The following ELF5 variants were observed in gnomAD, a reference collection of about 807,000 sequenced individuals.
The protein encoded by ELF5 is ETS-related transcription factor Elf-5.
In ELF5, 31 loss-of-function variants were observed where a neutral mutation model predicts 38.2. The observed-to-expected ratio is 0.81, with a 90% CI of 0.61 to 1.10. The LOEUF is 1.10. ELF5 is among the 50% of genes least tolerant of loss of function. ELF5 has a pLI of 0.00. For missense variants in ELF5, 300 were observed against 306.6 expected (o/e 0.98, Z 0.16); for synonymous variants, 121 against 112.5 (o/e 1.08, Z -0.48).
chr11:34,501,918 T>C (rs190748768), intron 2 of ELF5, among the ~76,000 whole-genome samples: 96 of 152,292 alleles, frequency 6.3e-4, no homozygotes, highest in Non-Finnish European at 1.0e-3. Context: ...CATTTTTTTT[T>C]CTCCTTTTCC....
intron 3 of ELF5, 144 bp from the exon 4 acceptor site, chr11:34,490,203 C>T: frequency 1.2e-6 from 1 of 868,720 alleles, no homozygotes. Context: ...TGGAGACCAT[C>T]TGGTCTTAGA....
rs1856892291 is a variant in ELF5, at chr11:34,479,925, C to T, written c.*293G>A. ...GTTTTTCTCTGATCAGCATCAATGGCATGGGCTGTTGTCATTCCACAACTC... is the reference window on the plus strand; with the variant it reads ...GTTTTTCTCTGATCAGCATCAATGGTATGGGCTGTTGTCATTCCACAACTC... On this transcript the variant is annotated 3_prime_UTR_variant, in exon 7 of 7. Transcript: ENST00000257832. 3.0e-6 allele frequency: 1 copy of T among 331,710 alleles called. No individual in the cohort carries two copies. The highest frequency in any genetic ancestry group is 5.5e-6 in the Non-Finnish European group (1 of 181,028). The allele number at this position is 331,710 out of a possible 1,614,324, so 20.5% of individuals were successfully genotyped here.
At position 34,482,516 on chromosome 11, in the gene ELF5, T is replaced by C. The variant is rs2231826; in HGVS notation, c.407-17A>G. The stretch of plus-strand genomic sequence containing the variant: ...AATCAGCATCTGAAATAGAATAATT[T>C]ATAGCAGTGGAAAGGGATATAGAGG... On this transcript the variant is annotated splice_polypyrimidine_tract_variant and intron_variant, in intron 4 of 6. Transcript: ENST00000257832. 3.1e-6 allele frequency: 5 copies of C among 1,606,946 alleles called. No individual in the cohort carries two copies. The African/African-American group carries it at 5.4e-5, about 17-fold the overall frequency.
intron 2 of ELF5, among the ~76,000 whole-genome samples, chr11:34,503,339 T>C (rs1053680503): frequency 1.3e-5 from 2 of 151,856 alleles, no homozygotes; most frequent in Non-Finnish European, 2.9e-5. Context: ...TTGTATTTTT[T>C]CGTAGAGACG....
intron 1 of ELF5, among the ~76,000 whole-genome samples, chr11:34,509,621 G>A (rs1459934096): frequency 2.6e-5 from 4 of 151,624 alleles, no homozygotes; most frequent in African/African-American, 9.7e-5. Context: ...AGTGAGGGGG[G>A]CAGGGAGGGG....
chr11:34,511,934 G>T (rs1850770835), intron 1 of ELF5: 1 of 270,216 alleles, frequency 3.7e-6, no homozygotes, highest in South Asian at 5.9e-5. Context: ...AATCATCACT[G>T]GGCAGAACTA....
chr11:34,512,281 C>T (rs904490129), intron 1 of ELF5, among the ~76,000 whole-genome samples: 3 of 152,062 alleles, frequency 2.0e-5, no homozygotes, highest in African/African-American at 4.8e-5. Context: ...TCAAGTGATT[C>T]CTCATTTTTC....
intron 1 of ELF5, among the ~76,000 whole-genome samples, chr11:34,510,873 C>T (rs771899423): frequency 2.6e-5 from 4 of 152,124 alleles, no homozygotes; most frequent in African/African-American, 2.4e-5. Flanking sequence ...CTAGTGTCAG[C>T]GCCAGTACAG....
At chr11:34,513,571 C>A (rs1239152933) in intron 1 of ELF5, 106 bp downstream of exon 1, 1 of 152,374 alleles carries the variant, frequency 6.6e-6, no homozygotes, top group Non-Finnish European at 1.5e-5. Context: ...GCGCAGGTGC[C>A]GGCCCTGGAG....
At chr11:34,485,280 G>A (rs1564974860) in intron 4 of ELF5, among the ~76,000 whole-genome samples, 1 of 152,190 alleles carries the variant, frequency 6.6e-6, no homozygotes, top group Admixed American at 6.5e-5. Flanking sequence ...TTCACAGCAG[G>A]TGTTCAATAG....
rs906046172 is a variant in ELF5 at position 34,480,851 on chromosome 11, A to T, written c.592T>A (p.Ser198Thr). Residue 198 changes from serine (S) to threonine (T), a missense_variant, in exon 6 of 7, where the codon TCG (serine) becomes ACG (threonine). Ser to Thr is a moderately conservative substitution (Grantham distance 58). Transcript: ENST00000257832. ...CCCCACATCTTTGCCAGGGCTTCCGATTTAACCACCCGAAAAATTCCTTGT... is the reference window on the plus strand; with the variant it reads ...CCCCACATCTTTGCCAGGGCTTCCGTTTTAACCACCCGAAAAATTCCTTGT... ...REQGIFRVVKSEALAKMWGQR... is the reference protein window; with the variant it reads ...REQGIFRVVKTEALAKMWGQR... 2 of 1,614,014 alleles carry T rather than the reference A, an allele frequency of 1.2e-6. No individual in the cohort carries two copies. The highest frequency in any genetic ancestry group is 8.5e-7 in the Non-Finnish European group (1 of 1,180,006).
At chr11:34,496,385 T>TCCAGAGGCCG (rs147797216) in intron 2 of ELF5, among the ~76,000 whole-genome samples, 20,491 of 152,202 alleles carry the variant, frequency 0.13, 1,522 homozygotes, top group Admixed American at 0.21. Context: ...ATGGCAGGCC[T>TCCAGAGGCCG]CTTTTCCGGG....
chr11:34,492,998 T>G, intron 3 of ELF5: 1 of 189,742 alleles, frequency 5.3e-6, no homozygotes, highest in African/African-American at 2.3e-5. Context: ...TGTTGAAGAG[T>G]TAAATAATGC....
At chr11:34,509,753 A>G (rs774223778) in intron 1 of ELF5, among the ~76,000 whole-genome samples, 7 of 152,224 alleles carry the variant, frequency 4.6e-5, no homozygotes, top group Non-Finnish European at 8.8e-5. Context: ...GCTGAAGACA[A>G]ATATATCCCT....
intron 4 of ELF5, among the ~76,000 whole-genome samples, chr11:34,488,985 G>A (rs1001089839): frequency 5.3e-5 from 8 of 152,278 alleles, no homozygotes; most frequent in African/African-American, 1.9e-4. Flanking sequence ...CAGTGTGTGA[G>A]CTTTGTTCAC....
chr11:34,485,290 G>T (rs1410559993), intron 4 of ELF5, among the ~76,000 whole-genome samples: 2 of 152,158 alleles, frequency 1.3e-5, no homozygotes, highest in African/African-American at 4.8e-5. Flanking sequence ...GTGTTCAATA[G>T]ACATTTAATG....
intron 3 of ELF5, chr11:34,493,173 G>A: frequency 5.5e-6 from 3 of 549,276 alleles, no homozygotes; most frequent in Non-Finnish European, 9.7e-6. Context: ...ATCCTGTGTG[G>A]TTTCAAATCA....
At chr11:34,490,921 C>A (rs1850155733) in intron 3 of ELF5, among the ~76,000 whole-genome samples, 1 of 152,074 alleles carries the variant, frequency 6.6e-6, no homozygotes, top group African/African-American at 2.4e-5. Flanking sequence ...GGGCTCATTC[C>A]CCTCCTAGGC....
chr11:34,487,872 G>A (rs796869214), intron 4 of ELF5, among the ~76,000 whole-genome samples: 13 of 152,258 alleles, frequency 8.5e-5, no homozygotes, highest in African/African-American at 2.2e-4. Context: ...AACTGGCCCC[G>A]TGTGGCTAGT....
Sources: gnomAD v4.1 joint callset for allele counts (sites outside exome capture counted in the v4.1 genomes callset) on GRCh38, gnomAD v4.1.1 for gene constraint, MANE v1.5 for transcripts, NCBI Gene and HGNC (gene_info 2026-07-23, HGNC 2026-07-21) for gene names.